ITGB5: variants seen among roughly 807,000 people sequenced by gnomAD.
ITGB5 encodes integrin beta-5.
A neutral mutation model predicts 84.8 loss-of-function variants in ITGB5; 38 were observed. The ratio of observed to expected loss-of-function variants is 0.45; its 90% confidence interval spans 0.35 to 0.59. ITGB5 has a LOEUF of 0.59. Among genes scored for constraint, ITGB5 ranks in the 20% least tolerant of loss-of-function variants. ITGB5 has a pLI of 0.01. For missense variants in ITGB5, 905 were observed against 1,034.5 expected, an observed-to-expected ratio of 0.87 and a Z score of 1.72; for synonymous variants, 393 against 414.4, an observed-to-expected ratio of 0.95 and a Z score of 0.63.
intron 8 of ITGB5, among the ~76,000 whole-genome samples, chr3:124,814,384 A>C (rs755419287): frequency 1.3e-5 from 2 of 151,516 alleles, no homozygotes; most frequent in Non-Finnish European, 2.9e-5. Context: ...ACAGGTGTAT[A>C]CCTGTGCCAA....
chr3:124,867,691 A>C (rs560165258), intron 2 of ITGB5, among the ~76,000 whole-genome samples: 227 of 152,336 alleles, frequency 1.5e-3, no homozygotes, highest in Middle Eastern at 6.8e-3. Flanking sequence ...TGCTAGTAGG[A>C]AGAATGTGGG....
In ITGB5 at chr3:124,804,376, C is replaced by CA. The variant is rs559424329; in HGVS notation, c.1263+4645dup. 2.2e-3 allele frequency among the ~76,000 whole-genome samples: 326 copies of CA among 151,442 alleles called. 2 individuals carry two copies. The highest frequency in any genetic ancestry group is 3.4e-3 in the Middle Eastern group (1 of 292). The stretch of plus-strand genomic sequence containing the variant: ...CTGTTTCTTAAAAAACAAAACAAAA[C>CA]AAAAAAAACAACCACAAAGAAATTA... On this transcript the variant is annotated intron_variant, in intron 9 of 14. Transcript: ENST00000296181.
chr3:124,823,275 T>A (rs1452932368), intron 5 of ITGB5, among the ~76,000 whole-genome samples: 1 of 149,856 alleles, frequency 6.7e-6, no homozygotes, highest in African/African-American at 2.5e-5. Context: ...AAAAAATAAA[T>A]AAATAAAAAT....
Position 124,766,300 on chromosome 3 carries a change from T to C in ITGB5, c.2063A>G (p.Lys688Arg), listed in dbSNP as rs1426085892. ...EAVLCFYKTA[K>R]DCVMMFTYVE... The stretch of plus-strand genomic sequence containing the variant: ...ATAGGTGAACATCATGACGCAGTCC[T>C]TGGCGGTTTTGTAGAAACATAGCAC... Residue 688 changes from lysine (K) to arginine (R), a missense_variant, in exon 13 of 15, where the codon AAG becomes AGG. Physicochemically the swap from Lys to Arg is conservative, Grantham distance 26 (BLOSUM62 2). Around this residue, in one of 3 missense-constraint regions of ITGB5, gnomAD observed 116 missense variants for 177.0 expected, o/e 0.66. Coordinates refer to ENST00000296181, the MANE Select transcript of ITGB5 (RefSeq NM_002213.5). The C allele has an allele frequency of 4.3e-6, 7 of 1,614,022 alleles. No individual in the cohort carries two copies. Among genetic ancestry groups the C allele is most frequent in the Admixed American group, 1.7e-5 (1 of 59,992 alleles).
intron 9 of ITGB5, among the ~76,000 whole-genome samples, chr3:124,802,947 G>A (rs962573989): frequency 3.3e-5 from 5 of 152,160 alleles, no homozygotes; most frequent in Non-Finnish European, 7.3e-5. Flanking sequence ...GAAACAAAGG[G>A]CCAGCTCGGG....
chr3:124,796,285 GT>G lies in ITGB5; in HGVS notation c.1693+102del. On this transcript the variant is annotated intron_variant, in intron 10 of 14. Transcript: ENST00000296181. ...GTCTTCTCCAAGGAGAGCCATGGTA[GT>G]GACACTTTCTACCACCACTGAGTAA... The G allele has an allele frequency of 4.7e-6, 5 of 1,072,406 alleles. No homozygotes were observed. In the South Asian group the frequency reaches 7.5e-5, roughly 16 times the overall value. The allele number at this position is 1,072,406 out of a possible 1,614,324, so 66.4% of individuals were successfully genotyped here. A position where few individuals can be genotyped will look rare whatever the true frequency, so the allele number is the denominator to read the frequency against.
At chr3:124,849,058 G>C (rs1464981907) in intron 3 of ITGB5, among the ~76,000 whole-genome samples, 1 of 152,188 alleles carries the variant, frequency 6.6e-6, no homozygotes, top group East Asian at 1.9e-4. Context: ...GGGATTACAG[G>C]TGTGAGCCAC....
intron 10 of ITGB5, among the ~76,000 whole-genome samples, chr3:124,778,263 C>A (rs750995545): frequency 6.6e-6 from 1 of 152,218 alleles, no homozygotes; most frequent in African/African-American, 2.4e-5. Flanking sequence ...TGATTGATAG[C>A]CAAATGGACA....
At chr3:124,805,197 C>A (rs372997839) in intron 9 of ITGB5, among the ~76,000 whole-genome samples, 61 of 151,694 alleles carry the variant, frequency 4.0e-4, no homozygotes, top group Non-Finnish European at 8.7e-4. Flanking sequence ...GGCTGGAGTG[C>A]AGTGTCCCAG....
At chr3:124,893,853 G>A (rs555106890) in intron 1 of ITGB5, among the ~76,000 whole-genome samples, 1 of 152,288 alleles carries the variant, frequency 6.6e-6, no homozygotes, top group African/African-American at 2.4e-5. Context: ...ATAGGGATAG[G>A]TGTTTCTCTT....
chr3:124,819,702 C>A, intron 7 of ITGB5, 37 bp downstream of exon 7: 1 of 1,466,260 alleles, frequency 6.8e-7, no homozygotes, highest in East Asian at 2.3e-5. Flanking sequence ...ACCCACTTCA[C>A]CCCACAAATC....
At chr3:124,782,368 G>A (rs2064017578) in intron 10 of ITGB5, among the ~76,000 whole-genome samples, 1 of 152,212 alleles carries the variant, frequency 6.6e-6, no homozygotes, top group Non-Finnish European at 1.5e-5. Context: ...AGGAGGGCAT[G>A]GCCAACGGAG....
rs780546921 is a variant in ITGB5, at chr3:124,841,455, T to C, written c.708A>G (p.Lys236=). ...RVDSFNEEVR[K]QRVSRNRDAP... ...CATCTCGGTTCCGGGACACCCTCTG[T>C]TTCCGAACTTCCTCATTGAAGCTGT... Residue 236 remains lysine (K), a synonymous_variant, in exon 5 of 15, where the codon AAA becomes AAG. Coordinates refer to ENST00000296181, the MANE Select transcript of ITGB5 (RefSeq NM_002213.5). The C allele has an allele frequency of 6.2e-7, 1 of 1,614,094 alleles. No homozygotes were observed. Among genetic ancestry groups the C allele is most frequent in the Non-Finnish European group, 8.5e-7 (1 of 1,180,040 alleles).
At chr3:124,874,671 A>T (rs538910975) in intron 1 of ITGB5, among the ~76,000 whole-genome samples, 1 of 152,236 alleles carries the variant, frequency 6.6e-6, no homozygotes, top group Non-Finnish European at 1.5e-5. Flanking sequence ...AGACCAATGG[A>T]ACAGAATAAA....
chr3:124,772,079 GT>G (rs3836309), intron 11 of ITGB5, among the ~76,000 whole-genome samples: 25,106 of 152,100 alleles, frequency 0.17, 2,276 homozygotes, highest in Admixed American at 0.25. Flanking sequence ...GGAGCTGGAG[GT>G]TGGGGGCACC....
In ITGB5 at chr3:124,882,880, C is replaced by T. The variant is rs529776428; in HGVS notation, c.70+4051G>A. ...GCCTTAGGGGATGAGTCAAGCCTGT[C>T]TTAGAGCAAACTTTTCACCATGAGG... On this transcript the variant is annotated intron_variant, in intron 1 of 14. Transcript: ENST00000296181. 2.6e-5 allele frequency among the ~76,000 whole-genome samples: 4 copies of T among 152,312 alleles called. No homozygotes were observed. In the East Asian group the frequency reaches 7.7e-4, roughly 29 times the overall value.
At chr3:124,771,670 C>T (rs1030095761) in intron 11 of ITGB5, among the ~76,000 whole-genome samples, 3 of 147,786 alleles carry the variant, frequency 2.0e-5, no homozygotes, top group Non-Finnish European at 4.4e-5. Context: ...ATCACTTGAG[C>T]CCAGGAGTTC....
chr3:124,816,988 G>A (rs1338968358), intron 8 of ITGB5, among the ~76,000 whole-genome samples: 1 of 152,192 alleles, frequency 6.6e-6, no homozygotes, highest in Non-Finnish European at 1.5e-5. Context: ...GGAAGCTGAG[G>A]TGGGAGGACT....
intron 8 of ITGB5, among the ~76,000 whole-genome samples, chr3:124,813,666 G>A (rs909105228): frequency 1.3e-5 from 2 of 152,196 alleles, no homozygotes; most frequent in Non-Finnish European, 2.9e-5. Flanking sequence ...ACAGGGCAAG[G>A]TGTGTGAGGA....
Sources: gnomAD v4.1 joint callset for allele counts (sites outside exome capture counted in the v4.1 genomes callset) on GRCh38, gnomAD v4.1.1 for gene constraint, gnomAD v4.1.1 regional missense constraint, MANE v1.5 for transcripts, NCBI Gene and HGNC (gene_info 2026-07-23, HGNC 2026-07-21) for gene names.